Variants in PRKG1 observed in about 807,000 individuals in gnomAD.
PRKG1 encodes protein kinase cGMP-dependent 1.
PRKG1 carries 35 observed loss-of-function variants against 88.1 expected under a neutral mutation model. The observed-to-expected ratio is 0.40, with a 90% confidence interval of 0.30 to 0.53. The LOEUF is 0.53. Ranked by LOEUF, PRKG1 falls within the 20% of genes least tolerant of loss-of-function variation. The pLI is 0.59. For missense variants in PRKG1, 540 were observed against 839.8 expected, an observed-to-expected ratio of 0.64 and a Z score of 4.41; for synonymous variants, 303 against 292.5, an observed-to-expected ratio of 1.04 and a Z score of -0.37.
intron 2 of PRKG1, among the ~76,000 whole-genome samples, chr10:51,204,231 A>G (rs1483086556): frequency 3.3e-5 from 5 of 152,204 alleles, no homozygotes; most frequent in Admixed American, 1.3e-4. Context: ...GGCTTAGCAC[A>G]TGGAAAAACT....
chr10:51,778,774 G>A (rs1423998509), intron 3 of PRKG1, among the ~76,000 whole-genome samples: 1 of 152,110 alleles, frequency 6.6e-6, no homozygotes, highest in Non-Finnish European at 1.5e-5. Context: ...TCTGAGAGAT[G>A]TCAGGACAAG....
chr10:51,955,757 G>A (rs1356757154), intron 5 of PRKG1, among the ~76,000 whole-genome samples: 2 of 152,062 alleles, frequency 1.3e-5, no homozygotes, highest in Non-Finnish European at 2.9e-5. Flanking sequence ...GAATTTGTTG[G>A]AATTTATGTA....
At chr10:51,718,121 G>C in intron 3 of PRKG1, among the ~76,000 whole-genome samples, 1 of 152,150 alleles carries the variant, frequency 6.6e-6, no homozygotes, top group East Asian at 1.9e-4. Context: ...AGTGGTGCTG[G>C]TGGTGGGGAA....
chr10:51,610,326 C>T (rs1177192568), intron 3 of PRKG1, among the ~76,000 whole-genome samples: 2 of 152,118 alleles, frequency 1.3e-5, no homozygotes, highest in Non-Finnish European at 2.9e-5. Flanking sequence ...TCCATCATTC[C>T]ACTCACTACC....
At chr10:52,247,890 G>A (rs1309173454) in intron 9 of PRKG1, among the ~76,000 whole-genome samples, 1 of 152,098 alleles carries the variant, frequency 6.6e-6, no homozygotes, top group African/African-American at 2.4e-5. Flanking sequence ...GAAATCATGG[G>A]TCTCACAGCT....
At chr10:51,541,238 G>A (rs1398201891) in intron 3 of PRKG1, among the ~76,000 whole-genome samples, 1 of 152,116 alleles carries the variant, frequency 6.6e-6, no homozygotes, top group African/African-American at 2.4e-5. Context: ...TCACAACAGG[G>A]TTCGCGCTCC....
At chr10:51,327,483 A>T (rs1841623376) in intron 2 of PRKG1, among the ~76,000 whole-genome samples, 2 of 152,160 alleles carry the variant, frequency 1.3e-5, no homozygotes, top group South Asian at 4.2e-4. Context: ...CTTTTTTAAA[A>T]ATGTTTTTAA....
At chr10:51,105,164 C>A (rs1224223763) in intron 1 of PRKG1, among the ~76,000 whole-genome samples, 1 of 152,206 alleles carries the variant, frequency 6.6e-6, no homozygotes, top group South Asian at 2.1e-4. Flanking sequence ...AGCCACTGCA[C>A]CCAGCCCAGT....
intron 2 of PRKG1, among the ~76,000 whole-genome samples, chr10:51,156,297 G>GCACACACACTCACACACACACA (rs1846209988): frequency 2.8e-5 from 1 of 35,134 alleles, no homozygotes; most frequent in Admixed American, 2.5e-4. Flanking sequence ...TTTGATGCAA[G>GCACACACACTCACACACACACA]CACACACACA....
chr10:51,062,514 T>C (rs1843703602), intron 1 of PRKG1: 2 of 152,170 alleles, frequency 1.3e-5, no homozygotes, highest in South Asian at 2.1e-4. Flanking sequence ...CTAATTATTA[T>C]AGGTGGGAGG....
intron 2 of PRKG1, among the ~76,000 whole-genome samples, chr10:51,170,568 A>C (rs967279212): frequency 6.6e-6 from 1 of 151,922 alleles, no homozygotes; most frequent in East Asian, 1.9e-4. Flanking sequence ...TAAGGTGCTC[A>C]GGGAAGGCCT....
intron 4 of PRKG1, among the ~76,000 whole-genome samples, chr10:51,871,402 G>T (rs1396939232): frequency 2.0e-5 from 3 of 152,134 alleles, no homozygotes; most frequent in Non-Finnish European, 4.4e-5. Context: ...TCTAGGACTG[G>T]TTCTGAATCA....
At chr10:51,226,433 C>T (rs2132100864) in intron 2 of PRKG1, among the ~76,000 whole-genome samples, 1 of 152,196 alleles carries the variant, frequency 6.6e-6, no homozygotes, top group African/African-American at 2.4e-5. Context: ...GCAAGATGTG[C>T]ATCAGTGTTC....
chr10:52,191,409 C>A (rs577753981), intron 9 of PRKG1, among the ~76,000 whole-genome samples: 1 of 151,864 alleles, frequency 6.6e-6, no homozygotes, highest in South Asian at 2.1e-4. Flanking sequence ...CTCAAGCAAT[C>A]CACCCGCCTT....
At chr10:51,204,576 G>A (rs564017424) in intron 2 of PRKG1, among the ~76,000 whole-genome samples, 55 of 152,238 alleles carry the variant, frequency 3.6e-4, no homozygotes, top group South Asian at 6.2e-4. Flanking sequence ...CCTGCTGCCG[G>A]TAGACTAGAC....
intron 4 of PRKG1, among the ~76,000 whole-genome samples, chr10:51,859,915 T>C (rs551967513): frequency 6.6e-6 from 1 of 152,328 alleles, no homozygotes; most frequent in Admixed American, 6.5e-5. Flanking sequence ...GGATATTTTC[T>C]TTGTGGGCCC....
rs970869329 is a variant in PRKG1, at chr10:51,518,452, G to A, written c.592+50616G>A. On this transcript the variant is annotated intron_variant, in intron 3 of 17. Transcript: ENST00000373980. ...TTATCTCTGCTTTCCTTCTCTTCTG[G>A]GTCTAGAGTCTTCAACATGAGACTC... Among the ~76,000 whole-genome samples, 11 of 152,168 alleles carry A rather than the reference G, an allele frequency of 7.2e-5. No individual in the cohort carries two copies. The East Asian group carries it at 2.1e-3, about 29-fold the overall frequency.
Position 50,991,500 on chromosome 10 carries a change from A to G in PRKG1, c.122A>G (p.His41Arg). 6.2e-7 allele frequency: 1 copy of G among 1,611,426 alleles called. No homozygotes were observed. Residue 41 changes from histidine (H) to arginine (R), a missense_variant, in exon 1 of 18, where the codon CAC becomes CGC. Coordinates refer to the PRKG1 transcript ENST00000401604. This position sits in a 1 kb window ranked among gnomAD's most constrained non-coding sequence, Gnocchi z 4.5. Reference sequence around the variant, plus strand: ...ATTCAGGAGCTGAAGAGGAAACTCCACAAATGCCAGTCGGTGCTCCCAGTG... The same window carrying G: ...ATTCAGGAGCTGAAGAGGAAACTCCGCAAATGCCAGTCGGTGCTCCCAGTG...
chr10:51,840,517 TTTTATTTATTTATTTA>T lies in PRKG1; in HGVS notation c.698+35858_698+35873del, dbSNP rs66516508. The stretch of plus-strand genomic sequence containing the variant: ...ACCTATGTCTTTATTGAACCCTCTA[TTTTATTTATTTATTTA>T]TTTATTTATTTATTTATTTATTTAT... On this transcript the variant is annotated intron_variant, in intron 4 of 17. Transcript: ENST00000373980. Among the ~76,000 whole-genome samples, 311 of 139,854 alleles carry T rather than the reference TTTTATTTATTTATTTA, an allele frequency of 2.2e-3. 3 individuals are homozygous for T. The highest frequency in any genetic ancestry group is 0.011 in the Middle Eastern group (3 of 272). 91.7% of individuals were successfully genotyped at this position (139,854 alleles called of 152,430 possible).
Sources: allele counts gnomAD v4.1 joint callset (sites outside exome capture counted in the v4.1 genomes callset), GRCh38; gene constraint gnomAD v4.1.1; non-coding constraint Gnocchi (gnomAD v3.1); transcripts MANE v1.5; gene names NCBI Gene and HGNC (gene_info 2026-07-23, HGNC 2026-07-21).